Variants in GOLGA3 observed in about 807,000 individuals in gnomAD.
The protein encoded by GOLGA3 is golgin A3, also known as golgin subfamily A member 3.
In GOLGA3, 75 loss-of-function variants were observed where a neutral mutation model predicts 169.4. The ratio of observed to expected loss-of-function variants is 0.44; its 90% CI spans 0.37 to 0.54. The LOEUF (loss-of-function observed/expected upper bound fraction) is 0.54, where lower values mean the gene tolerates loss of function less well. GOLGA3 is among the 20% of genes least tolerant of loss of function. The pLI is 0.00. For synonymous variants in GOLGA3, 824 were observed against 822.4 expected (o/e 1.00, Z -0.03); for missense variants, 1,899 against 1,930.0 (o/e 0.98, Z 0.30).
At chr12:132,792,053 A>G (rs560100753) in intron 11 of GOLGA3, among the ~76,000 whole-genome samples, 2 of 148,150 alleles carry the variant, frequency 1.3e-5, no homozygotes, top group African/African-American at 5.0e-5. Context: ...GGACACATCT[A>G]CACAGATGTT....
In GOLGA3 at chr12:132,814,660, G is replaced by A. The variant is rs577052698; in HGVS notation, c.407-1241C>T. Among the ~76,000 whole-genome samples the A allele has an allele frequency of 9.2e-5, 14 of 152,308 alleles. 1 individual carries two copies. The South Asian group carries it at 2.5e-3, about 27-fold the overall frequency. The stretch of plus-strand genomic sequence containing the variant: ...GGTACTCAAATGGCTGAAGCCTGGC[G>A]CCAGGCCTCACTGCAGGGTAAATGC... On this transcript the variant is annotated intron_variant, in intron 3 of 23. Coordinates refer to ENST00000450791, the MANE Select transcript of GOLGA3 (RefSeq NM_001389683.1).
intron 6 of GOLGA3, among the ~76,000 whole-genome samples, chr12:132,806,880 A>G (rs540048348): frequency 6.6e-6 from 1 of 152,342 alleles, no homozygotes; most frequent in East Asian, 1.9e-4. Flanking sequence ...TGCCAGAAAA[A>G]GCTGCAACCC....
intron 18 of GOLGA3, among the ~76,000 whole-genome samples, chr12:132,779,920 G>A (rs182766760): frequency 2.1e-4 from 23 of 110,176 alleles, no homozygotes; most frequent in East Asian, 1.4e-3. Flanking sequence ...ACAGCCCCCC[G>A]CATGCACACA....
chr12:132,779,517 T>C (rs1480977857), intron 18 of GOLGA3, among the ~76,000 whole-genome samples: 1 of 152,246 alleles, frequency 6.6e-6, no homozygotes, highest in Non-Finnish European at 1.5e-5. Flanking sequence ...CAAAGCCAGG[T>C]CATAGGAACG....
At chr12:132,789,558 C>T (rs992786475) in intron 12 of GOLGA3, among the ~76,000 whole-genome samples, 9 of 152,222 alleles carry the variant, frequency 5.9e-5, no homozygotes, top group Admixed American at 5.2e-4. Flanking sequence ...TCCAAGGAGT[C>T]TGGCTCTCTC....
At chr12:132,776,875 T>C (rs2045276259) in intron 20 of GOLGA3, 83 bp downstream of exon 20, 2 of 1,545,542 alleles carry the variant, frequency 1.3e-6, no homozygotes, top group Non-Finnish European at 1.7e-6. Flanking sequence ...ACCATCACTG[T>C]TGCTCCCCAA....
intron 21 of GOLGA3, 117 bp downstream of exon 21, chr12:132,776,515 TGC>T: frequency 9.5e-7 from 1 of 1,056,626 alleles, no homozygotes. Flanking sequence ...CCTTCCTCCC[TGC>T]TGCTCCCGCC....
intron 11 of GOLGA3, 87 bp downstream of exon 11, chr12:132,795,765 A>C: frequency 7.1e-7 from 1 of 1,410,602 alleles, no homozygotes; most frequent in Admixed American, 2.1e-5. Flanking sequence ...TTTCAAAAAA[A>C]AAAGAAAGAA....
In GOLGA3 at chr12:132,777,514, C is replaced by T. The variant is rs754374643; in HGVS notation, c.3722+152G>A. 3.9e-5 allele frequency: 30 copies of T among 778,264 alleles called. No individual in the cohort carries two copies. The highest frequency in any genetic ancestry group is 3.8e-4 in the Middle Eastern group (1 of 2,642). The allele number at this position is 778,264 out of a possible 1,614,324, so 48.2% of individuals were successfully genotyped here. On this transcript the variant is annotated intron_variant, in intron 19 of 23. Transcript: ENST00000450791. The surrounding 1 kb of genome is among the most constrained non-coding windows in gnomAD (Gnocchi z 4.7). ...TGAGTGAGGCTCAGGATTCTGGAGACGGAGGCTGGGTGCCTTCTACTCCTA... is the reference window on the plus strand; with the variant it reads ...TGAGTGAGGCTCAGGATTCTGGAGATGGAGGCTGGGTGCCTTCTACTCCTA...
chr12:132,803,669 C>T (rs1399531990), intron 7 of GOLGA3, among the ~76,000 whole-genome samples: 2 of 149,006 alleles, frequency 1.3e-5, no homozygotes, highest in Non-Finnish European at 3.0e-5. Flanking sequence ...GTCTCTCGGC[C>T]GGCTTTCTCT....
intron 10 of GOLGA3, 106 bp from the exon 11 acceptor site, chr12:132,796,326 T>A: frequency 7.3e-7 from 1 of 1,369,474 alleles, no homozygotes; most frequent in Non-Finnish European, 9.8e-7. Context: ...CTATGGAGGG[T>A]CTTTTTTTCA....
Position 132,777,116 on chromosome 12 carries a change from G to C in GOLGA3, c.3723-26C>G. ...CTAGCGTAAAAAAACAAGAAAGAAGGGAATCGCCACGCTCCTCCAGTGTGC... is the reference window on the plus strand; with the variant it reads ...CTAGCGTAAAAAAACAAGAAAGAAGCGAATCGCCACGCTCCTCCAGTGTGC... On this transcript the variant is annotated intron_variant, in intron 19 of 23. Transcript: ENST00000450791. This position sits in a 1 kb window ranked among gnomAD's most constrained non-coding sequence, Gnocchi z 4.7. The C allele has an allele frequency of 6.4e-7, 1 of 1,561,246 alleles. No homozygotes were observed. Among genetic ancestry groups the C allele is most frequent in the Non-Finnish European group, 8.6e-7 (1 of 1,156,630 alleles).
intron 6 of GOLGA3, 22 bp from the exon 7 acceptor site, chr12:132,805,044 C>G (rs756397328): frequency 1.3e-6 from 2 of 1,595,932 alleles, no homozygotes; most frequent in East Asian, 4.5e-5. Context: ...CCAACAACCA[C>G]AATGATTTTA....
At chr12:132,776,783 A>G (rs1177138963) in intron 20 of GOLGA3, 27 bp from the exon 21 acceptor site, 1 of 1,611,268 alleles carries the variant, frequency 6.2e-7, no homozygotes, top group South Asian at 1.1e-5. Flanking sequence ...CACATGGCCA[A>G]AAGAATATTA....
At chr12:132,798,288 C>T (rs377759605) in intron 9 of GOLGA3, 52 bp downstream of exon 9, 20 of 1,523,414 alleles carry the variant, frequency 1.3e-5, no homozygotes, top group East Asian at 2.3e-5. Flanking sequence ...CACATGGTAT[C>T]GATGTCTGCG....
intron 4 of GOLGA3, among the ~76,000 whole-genome samples, chr12:132,810,466 T>C (rs772029749): frequency 1.3e-5 from 2 of 152,230 alleles, no homozygotes; most frequent in Non-Finnish European, 2.9e-5. Context: ...GATATGATTA[T>C]ATATGAATAT....
At chr12:132,786,830 C>CCA in intron 13 of GOLGA3, 43 bp from the exon 14 acceptor site, 2 of 1,312,846 alleles carry the variant, frequency 1.5e-6, no homozygotes, top group Non-Finnish European at 2.2e-6. Flanking sequence ...ACTGCCACCC[C>CCA]CAGCCTGTCT....
intron 16 of GOLGA3, 105 bp from the exon 17 acceptor site, chr12:132,782,598 C>T (rs571754770): frequency 8.2e-5 from 73 of 894,316 alleles, no homozygotes; most frequent in Non-Finnish European, 1.4e-4. Flanking sequence ...AAACTTAGGC[C>T]AGGCGCAGAG....
In GOLGA3 at chr12:132,769,235, C is replaced by T. The variant is rs995184417; in HGVS notation, c.*3870G>A. 1 of 152,286 alleles carries T rather than the reference C, an allele frequency of 6.6e-6. No homozygotes were observed. Among genetic ancestry groups the T allele is most frequent in the Non-Finnish European group, 1.5e-5 (1 of 68,062 alleles). The allele number at this position is 152,286 out of a possible 1,614,324, so 9.4% of individuals were successfully genotyped here. ...CCTCACACCACAGCGTCACTCAACT[C>T]AAGTCCCTCCTCACATCAGAGGGCT... On this transcript the variant is annotated 3_prime_UTR_variant, in exon 24 of 24. Transcript: ENST00000450791.
Sources: gnomAD v4.1 joint callset for allele counts (sites outside exome capture counted in the v4.1 genomes callset) on GRCh38, gnomAD v4.1.1 for gene constraint, Gnocchi (gnomAD v3.1) non-coding constraint, MANE v1.5 for transcripts, NCBI Gene and HGNC (gene_info 2026-07-23, HGNC 2026-07-21) for gene names.